The following GABRR1 variants were observed in gnomAD, a reference collection of about 807,000 sequenced individuals.
GABRR1 encodes the protein gamma-aminobutyric acid receptor subunit rho-1.
GABRR1 carries 59 observed loss-of-function variants against 55.5 expected under a neutral mutation model. That is an observed-to-expected ratio of 1.06 (90% confidence interval 0.86 to 1.32). The LOEUF (loss-of-function observed/expected upper bound fraction) is 1.32, where lower values mean the gene tolerates loss of function less well. GABRR1 is among the 40% of genes most tolerant of loss of function. The pLI is 0.00. For synonymous variants in GABRR1, 213 were observed against 226.0 expected (o/e 0.94, Z 0.51); for missense variants, 602 against 619.1 (o/e 0.97, Z 0.29).
chr6:89,205,903 C>A (rs1309656751), intron 1 of GABRR1, among the ~76,000 whole-genome samples: 1 of 151,698 alleles, frequency 6.6e-6, no homozygotes, highest in African/African-American at 2.4e-5. Flanking sequence ...CCCGCCCCCC[C>A]ATCTCTCACA....
In GABRR1 at chr6:89,200,878, T is replaced by C. The variant is rs555209453; in HGVS notation, c.280+281A>G. On this transcript the variant is annotated intron_variant, in intron 3 of 9. Coordinates refer to ENST00000454853, the MANE Select transcript of GABRR1 (RefSeq NM_002042.5). Reference sequence around the variant, plus strand: ...GGGCTGCAGCTGCCCTGTGTTCTCCTGCCCTTCCTACAGCCAGCTGTTGGC... The same window carrying C: ...GGGCTGCAGCTGCCCTGTGTTCTCCCGCCCTTCCTACAGCCAGCTGTTGGC... Among the ~76,000 whole-genome samples the C allele has an allele frequency of 1.5e-3, 236 of 152,326 alleles. 1 individual carries two copies. The highest frequency in any genetic ancestry group is 5.3e-3 in the African/African-American group (221 of 41,580).
intron 6 of GABRR1, among the ~76,000 whole-genome samples, chr6:89,188,833 G>A (rs947877993): frequency 1.3e-5 from 2 of 152,060 alleles, no homozygotes; most frequent in African/African-American, 4.8e-5. Context: ...CTGGTTTTCA[G>A]TTTTTCCAGG....
intron 5 of GABRR1, among the ~76,000 whole-genome samples, chr6:89,194,715 G>A (rs1221349029): frequency 6.6e-6 from 1 of 151,998 alleles, no homozygotes; most frequent in Non-Finnish European, 1.5e-5. Flanking sequence ...AGAAATCCTG[G>A]AACTGAGAAA....
intron 1 of GABRR1, among the ~76,000 whole-genome samples, chr6:89,214,686 T>A (rs9344915): frequency 6.6e-6 from 1 of 151,788 alleles, no homozygotes; most frequent in African/African-American, 2.4e-5. Flanking sequence ...AAATGCAAAT[T>A]TGAACCACAG....
chr6:89,217,117 G>A (rs1394250752), intron 1 of GABRR1, 84 bp downstream of exon 1: 1 of 1,454,452 alleles, frequency 6.9e-7, no homozygotes, highest in Non-Finnish European at 9.4e-7. Flanking sequence ...CGCTGGAAAT[G>A]ATGCTCAGTT....
chr6:89,225,687 C>A (rs1385361006), intron 1 of GABRR1, among the ~76,000 whole-genome samples: 1 of 108,430 alleles, frequency 9.2e-6, no homozygotes, highest in African/African-American at 3.8e-5. Flanking sequence ...GGGTTGGTTC[C>A]AAGTCTTTGC....
Position 89,178,356 on chromosome 6 carries a change from A to G in GABRR1, c.*414T>C, listed in dbSNP as rs114380000. 917 of 179,048 alleles carry G rather than the reference A, an allele frequency of 5.1e-3. 7 individuals carry two copies. The highest frequency in any genetic ancestry group is 0.021 in the African/African-American group (872 of 42,200). 11.1% of individuals were successfully genotyped at this position (179,048 alleles called of 1,614,324 possible). ...TTAGGTGCATGTGAATTTCATGCAA[A>G]TGGCCTGTAGGTGCTTCCAAGTTCA... On this transcript the variant is annotated 3_prime_UTR_variant, in exon 10 of 10. Transcript: ENST00000454853.
At chr6:89,184,247 C>CAA (rs1164564083) in intron 7 of GABRR1, among the ~76,000 whole-genome samples, 2,443 of 57,014 alleles carry the variant, frequency 0.043, 96 homozygotes, top group African/African-American at 0.13. Flanking sequence ...GACTCCGTCT[C>CAA]AAAAAAAAAA....
chr6:89,180,257 C>T, intron 9 of GABRR1, 35 bp downstream of exon 9: 1 of 1,600,232 alleles, frequency 6.2e-7, no homozygotes. Flanking sequence ...CAGGTTCCAT[C>T]CTGACCAGAC....
chr6:89,222,669 G>T (rs1272621634), intron 1 of GABRR1, among the ~76,000 whole-genome samples: 1 of 152,138 alleles, frequency 6.6e-6, no homozygotes, highest in Non-Finnish European at 1.5e-5. Context: ...AATTACCAAT[G>T]CCATAAACCA....
At chr6:89,185,059 A>C (rs903935100) in intron 7 of GABRR1, among the ~76,000 whole-genome samples, 2 of 151,384 alleles carry the variant, frequency 1.3e-5, no homozygotes, top group African/African-American at 4.9e-5. Flanking sequence ...TAATTTTTGT[A>C]TTTTTAGTAG....
intron 7 of GABRR1, among the ~76,000 whole-genome samples, chr6:89,182,543 G>A (rs1327879055): frequency 6.6e-6 from 1 of 152,134 alleles, no homozygotes; most frequent in Non-Finnish European, 1.5e-5. Context: ...ACCCACTTCA[G>A]CCTCCCAAAA....
At chr6:89,217,460 T>C, upstream of GABRR1, 1 of 978,544 alleles carries the variant, frequency 1.0e-6, no homozygotes, top group Non-Finnish European at 1.5e-6. Context: ...ACCCACAGGA[T>C]GCAATCTGGA....
chr6:89,204,425 A>T (rs1269161449), intron 1 of GABRR1, among the ~76,000 whole-genome samples: 3 of 152,212 alleles, frequency 2.0e-5, no homozygotes, highest in African/African-American at 7.2e-5. Context: ...CACCGGGGAC[A>T]AAGTTCTCTT....
intron 7 of GABRR1, 72 bp from the exon 8 acceptor site, chr6:89,182,129 G>C: frequency 6.7e-7 from 1 of 1,494,168 alleles, no homozygotes; most frequent in East Asian, 2.3e-5. Context: ...TCAGGAAATT[G>C]TTAAGTGCCT....
chr6:89,182,920 C>G (rs1220428918), intron 7 of GABRR1, among the ~76,000 whole-genome samples: 1 of 151,838 alleles, frequency 6.6e-6, no homozygotes, highest in African/African-American at 2.4e-5. Flanking sequence ...GTAATTTGTT[C>G]ATAGTTCATA....
rs992623568 is a variant in GABRR1 at position 89,178,615 on chromosome 6, C to T, written c.*155G>A. On this transcript the variant is annotated 3_prime_UTR_variant, in exon 10 of 10. Coordinates refer to ENST00000454853, the MANE Select transcript of GABRR1 (RefSeq NM_002042.5). Reference sequence around the variant, plus strand: ...GTGCAAATTAAACCAGTAAGTGTCTCGTCAATGTAGCTTTGGAAAGCTGCA... The same window carrying T: ...GTGCAAATTAAACCAGTAAGTGTCTTGTCAATGTAGCTTTGGAAAGCTGCA... 1.1e-5 allele frequency: 7 copies of T among 640,188 alleles called. 1 individual carries two copies. The highest frequency in any genetic ancestry group is 5.9e-5 in the South Asian group (3 of 50,490). 39.7% of individuals were successfully genotyped at this position (640,188 alleles called of 1,614,324 possible).
At chr6:89,180,583 C>T (rs1771687706) in intron 8 of GABRR1, 95 bp from the exon 9 acceptor site, 3 of 1,438,348 alleles carry the variant, frequency 2.1e-6, no homozygotes, top group African/African-American at 1.4e-5. Flanking sequence ...GCTGCTCCCT[C>T]AATCTAGAAT....
At chr6:89,186,207 G>A (rs1771896542) in intron 6 of GABRR1, among the ~76,000 whole-genome samples, 1 of 152,196 alleles carries the variant, frequency 6.6e-6, no homozygotes, top group African/African-American at 2.4e-5. Context: ...TCTAACACTT[G>A]ACCTGTGTGA....
Sources: gnomAD v4.1 joint callset for allele counts (sites outside exome capture counted in the v4.1 genomes callset) on GRCh38, gnomAD v4.1.1 for gene constraint, MANE v1.5 for transcripts, NCBI Gene and HGNC (gene_info 2026-07-23, HGNC 2026-07-21) for gene names.